GHRHR: variants seen among roughly 807,000 people sequenced by gnomAD.
The protein encoded by GHRHR is growth hormone releasing hormone receptor.
In GHRHR, 40 loss-of-function variants were observed where a neutral mutation model predicts 58.3. That is an observed-to-expected ratio of 0.69 (90% CI 0.53 to 0.89). The LOEUF (loss-of-function observed/expected upper bound fraction) is 0.89, where lower values mean the gene tolerates loss of function less well. Ranked by LOEUF, GHRHR falls within the 40% of genes least tolerant of loss-of-function variation. The pLI is 0.00. For missense variants in GHRHR, 551 were observed against 541.3 expected, an observed-to-expected ratio of 1.02 and a Z score of -0.18; for synonymous variants, 249 against 216.6, an observed-to-expected ratio of 1.15 and a Z score of -1.31.
chr7:30,969,419 T>A (rs1562593011), intron 3 of GHRHR: 2 of 599,666 alleles, frequency 3.3e-6, no homozygotes, highest in Non-Finnish European at 6.0e-6. Flanking sequence ...CTGGATGCCC[T>A]CCAGGTGTTA....
intron 10 of GHRHR, 114 bp from the exon 11 acceptor site, chr7:30,976,315 G>T (rs1300482731): frequency 5.2e-6 from 5 of 959,838 alleles, no homozygotes; most frequent in Non-Finnish European, 8.4e-6. Flanking sequence ...CGTTTCCCAA[G>T]GTGGCTGTTC....
intron 12 of GHRHR, 52 bp downstream of exon 12, chr7:30,977,374 A>G: frequency 6.7e-7 from 1 of 1,501,568 alleles, no homozygotes; most frequent in East Asian, 2.3e-5. Context: ...CACCAGACCT[A>G]AGGCCCCTCC....
In GHRHR at chr7:30,972,228, C is replaced by T. The variant is rs35545256; in HGVS notation, c.597+133C>T. On this transcript the variant is annotated intron_variant, in intron 6 of 12. Transcript: ENST00000326139. ...GGCTCCCGCATGGCCAATTACAGAA[C>T]AGGAAAATGCTCCTTTCCCATGTCA... The T allele has an allele frequency of 2.3e-4, 201 of 870,518 alleles. 1 individual carries two copies. The African/African-American group carries it at 2.7e-3, about 12-fold the overall frequency. 53.9% of individuals were successfully genotyped at this position (870,518 alleles called of 1,614,324 possible).
At chr7:30,974,773 C>T (rs1056050037) in intron 8 of GHRHR, among the ~76,000 whole-genome samples, 198 bp from the exon 9 acceptor site, 3 of 152,116 alleles carry the variant, frequency 2.0e-5, no homozygotes, top group African/African-American at 7.2e-5. Context: ...AACGTTTGTC[C>T]ATCTAGGTGG....
chr7:30,979,040 C>A, intron 12 of GHRHR, 79 bp from the exon 13 acceptor site: 2 of 1,372,124 alleles, frequency 1.5e-6, no homozygotes, highest in South Asian at 1.2e-5. Flanking sequence ...ACGGCCTCTC[C>A]CTGCACCTTA....
chr7:30,978,062 G>A (rs140094960), intron 12 of GHRHR, among the ~76,000 whole-genome samples: 2 of 152,214 alleles, frequency 1.3e-5, no homozygotes, highest in Non-Finnish European at 2.9e-5. Context: ...AGGGCCATGC[G>A]CTCCCTCTGC....
At chr7:30,965,601 C>T (rs535546493) in intron 1 of GHRHR, among the ~76,000 whole-genome samples, 1 of 152,358 alleles carries the variant, frequency 6.6e-6, no homozygotes, top group African/African-American at 2.4e-5. Flanking sequence ...CTCTGAATTT[C>T]CCTCCTTCTC....
At chr7:30,975,998 A>G in intron 10 of GHRHR, 130 bp downstream of exon 10, 1 of 708,102 alleles carries the variant, frequency 1.4e-6, no homozygotes, top group South Asian at 1.6e-5. Flanking sequence ...CCAGAGACAG[A>G]ATAGACCTGG....
At position 30,976,514 on chromosome 7, in the gene GHRHR, C is replaced by T. The variant is rs776282236; in HGVS notation, c.1060C>T (p.Leu354=). 12 of 1,612,944 alleles carry T rather than the reference C, an allele frequency of 7.4e-6. No individual in the cohort carries two copies. In the East Asian group the frequency reaches 2.2e-4, roughly 30 times the overall value. ...CAACTTCCTGCCAGACAATGCTGGC[C>T]TGGGCATCCGCCTCCCCCTGGAGCT... The part of the protein sequence containing the change: ...IFNFLPDNAG[L]GIRLPLELGL... The change falls in exon 11 of 13, where the codon CTG becomes TTG. Residue 354 remains leucine (L), a synonymous_variant. Transcript: ENST00000326139.
chr7:30,971,578 C>T (rs1385346342), intron 5 of GHRHR, among the ~76,000 whole-genome samples: 1 of 152,086 alleles, frequency 6.6e-6, no homozygotes, highest in East Asian at 1.9e-4. Context: ...CTTTAAGACC[C>T]CACCCCCTCC....
intron 12 of GHRHR, 48 bp downstream of exon 12, chr7:30,977,370 ACCT>A: frequency 1.3e-6 from 2 of 1,526,952 alleles, no homozygotes; most frequent in South Asian, 2.2e-5. Context: ...CTCCCACCAG[ACCT>A]AAGGCCCCTC....
At chr7:30,975,740 A>G in intron 9 of GHRHR, 37 bp from the exon 10 acceptor site, 1 of 1,249,666 alleles carries the variant, frequency 8.0e-7, no homozygotes. Context: ...CTACCCCCTG[A>G]CCCTTGTCTT....
intron 10 of GHRHR, 109 bp from the exon 11 acceptor site, chr7:30,976,320 C>A: frequency 1.0e-6 from 1 of 1,001,744 alleles, no homozygotes; most frequent in Non-Finnish European, 1.6e-6. Flanking sequence ...CCCAAGGTGG[C>A]TGTTCCACAG....
chr7:30,975,015 A>G lies in GHRHR; in HGVS notation c.857A>G (p.Lys286Arg). 3 of 1,612,970 alleles carry G rather than the reference A, an allele frequency of 1.9e-6. No homozygotes were observed. Among genetic ancestry groups the G allele is most frequent in the Non-Finnish European group, 2.5e-6 (3 of 1,179,040 alleles). The change falls in exon 9 of 13, where the codon AAA (lysine) becomes AGA (arginine). Residue 286 changes from lysine (K) to arginine (R), a missense_variant. Lys to Arg is a conservative substitution (Grantham distance 26). Transcript: ENST00000326139. ...ACCTCCCCCTACTGGTGGATCATCA[A>G]AGGGCCCATTGTCCTCTCGGTCGGG... ...DDTSPYWWIIKGPIVLSVGVN... is the reference protein window; with the variant it reads ...DDTSPYWWIIRGPIVLSVGVN...
At chr7:30,976,110 G>T (rs1792579987) in intron 10 of GHRHR, 1 of 579,118 alleles carries the variant, frequency 1.7e-6, no homozygotes, top group African/African-American at 1.9e-5. Flanking sequence ...ATTTCTATGG[G>T]AGCCTGGGGA....
At chr7:30,971,060 C>T in intron 4 of GHRHR, 59 bp from the exon 5 acceptor site, 11 of 775,882 alleles carry the variant, frequency 1.4e-5, no homozygotes, top group Middle Eastern at 2.2e-4. Context: ...GATTGTCAAG[C>T]CTCTCTTTCC....
chr7:30,977,560 G>C (rs926960855), intron 12 of GHRHR, among the ~76,000 whole-genome samples: 11 of 152,180 alleles, frequency 7.2e-5, no homozygotes, highest in African/African-American at 2.4e-4. Context: ...CTACTCTTCA[G>C]GAGGTGGAGG....
At chr7:30,975,702 G>C in intron 9 of GHRHR, 75 bp from the exon 10 acceptor site, 1 of 820,942 alleles carries the variant, frequency 1.2e-6, no homozygotes, top group East Asian at 2.4e-5. Flanking sequence ...TCCCCAAATG[G>C]GCTGGGGCTC....
chr7:30,976,429 G>A lies in GHRHR; in HGVS notation c.975G>A (p.Trp325Ter). 6.2e-7 allele frequency: 1 copy of A among 1,613,302 alleles called. No homozygotes were observed. Among genetic ancestry groups the A allele is most frequent in the African/African-American group, 1.3e-5 (1 of 74,998 alleles). Reference protein sequence around the residue: ...QGSLHTQSQYWRLSKSTLFLI... With the variant: ...QGSLHTQSQY ...AGCCTAGGATTTGTCTTTCCTGCAGGCGTCTCTCCAAGTCGACACTTTTCC... is the reference window on the plus strand; with the variant it reads ...AGCCTAGGATTTGTCTTTCCTGCAGACGTCTCTCCAAGTCGACACTTTTCC... Residue 325 changes from tryptophan (W) to a stop codon, truncating the protein, a stop_gained and splice_region_variant, in exon 11 of 13, where the codon TGG (tryptophan) becomes TGA (stop). Coordinates refer to ENST00000326139, the MANE Select transcript of GHRHR (RefSeq NM_000823.4). LOFTEE classifies it high-confidence loss of function.
Sources: allele counts gnomAD v4.1 joint callset (sites outside exome capture counted in the v4.1 genomes callset), GRCh38; gene constraint gnomAD v4.1.1; transcripts MANE v1.5; gene names NCBI Gene and HGNC (gene_info 2026-07-23, HGNC 2026-07-21).